The following GPR176 variants were observed in gnomAD, a reference collection of about 807,000 sequenced individuals.
GPR176 encodes G protein-coupled receptor 176, also known as G-protein coupled receptor 176.
Under a neutral mutation model 35.4 loss-of-function variants are expected in GPR176, and 26 were observed. That is an observed-to-expected ratio of 0.74 (90% CI 0.54 to 1.02). The LOEUF (loss-of-function observed/expected upper bound fraction) is 1.02, where lower values mean the gene tolerates loss of function less well. Among genes scored for constraint, GPR176 ranks in the 50% least tolerant of loss-of-function variants. The pLI is 0.00. For synonymous variants in GPR176, 278 were observed against 271.3 expected, an observed-to-expected ratio of 1.02 and a Z score of -0.24; for missense variants, 597 against 665.3, an observed-to-expected ratio of 0.90 and a Z score of 1.13.
intron 1 of GPR176, among the ~76,000 whole-genome samples, chr15:39,863,634 G>A (rs928900754): frequency 6.6e-6 from 1 of 151,914 alleles, no homozygotes; most frequent in Non-Finnish European, 1.5e-5. Context: ...TAATGTCCTG[G>A]GCCTTCACAC....
At chr15:39,832,779 T>C (rs978374100) in intron 1 of GPR176, among the ~76,000 whole-genome samples, 1 of 152,032 alleles carries the variant, frequency 6.6e-6, no homozygotes, top group Admixed American at 6.6e-5. Flanking sequence ...GGGCCACAGG[T>C]TGGGCAAACT....
chr15:39,856,775 T>A (rs1028265537), intron 1 of GPR176, among the ~76,000 whole-genome samples: 1 of 152,188 alleles, frequency 6.6e-6, no homozygotes, highest in Non-Finnish European at 1.5e-5. Context: ...GATGAATACA[T>A]TGGAGATGGG....
chr15:39,831,959 G>C (rs567550389), intron 1 of GPR176, among the ~76,000 whole-genome samples: 1 of 150,994 alleles, frequency 6.6e-6, no homozygotes, highest in African/African-American at 2.4e-5. Context: ...TCCCAGAATT[G>C]GTCCTGCTCC....
chr15:39,829,211 C>G lies in GPR176; in HGVS notation c.173-21953G>C, dbSNP rs1015977798. The G allele has an allele frequency of 4.0e-5, 60 of 1,518,294 alleles. No individual in the cohort carries two copies. The South Asian group carries it at 4.5e-4, about 11-fold the overall frequency. The allele number at this position is 1,518,294 out of a possible 1,614,324, so 94.1% of individuals were successfully genotyped here. On this transcript the variant is annotated intron_variant, in intron 1 of 2. Transcript: ENST00000561100. ...AGACAACACCTCACAACGCAACCCC[C>G]AACACTGAGAACAAAGACCAAAGAT...
At chr15:39,874,370 G>C (rs2032161978) in intron 1 of GPR176, among the ~76,000 whole-genome samples, 1 of 152,176 alleles carries the variant, frequency 6.6e-6, no homozygotes, top group African/African-American at 2.4e-5. Flanking sequence ...ATTTTCACCA[G>C]ACCAAACCTT....
At chr15:39,825,075 C>T (rs899849191) in intron 1 of GPR176, among the ~76,000 whole-genome samples, 1 of 152,128 alleles carries the variant, frequency 6.6e-6, no homozygotes, top group African/African-American at 2.4e-5. Flanking sequence ...GGCTTGGTGG[C>T]ACATGCCTAT....
At chr15:39,821,336 G>A (rs1238176697) in intron 1 of GPR176, among the ~76,000 whole-genome samples, 3 of 152,162 alleles carry the variant, frequency 2.0e-5, no homozygotes, top group African/African-American at 7.2e-5. Context: ...TTCTCAGTTT[G>A]TAAAATATTG....
Position 39,801,842 on chromosome 15 carries a change from C to T in GPR176, c.838G>A (p.Val280Met), listed in dbSNP as rs868365806. ...SMVMVFILCS[V>M]PYATLVVYQT... ...TAGACGACCAGGGTGGCATAGGGCACGCTACACAAGATGAAGACCATCACC... is the reference window on the plus strand; with the variant it reads ...TAGACGACCAGGGTGGCATAGGGCATGCTACACAAGATGAAGACCATCACC... The change falls in exon 3 of 3, where the codon GTG (valine) becomes ATG (methionine). Residue 280 changes from valine (V) to methionine (M), a missense_variant. Physicochemically the swap from Val to Met is conservative, Grantham distance 21 (BLOSUM62 1). This residue lies in a region of GPR176 where 220 missense variants were observed against 297.6 expected (regional missense o/e 0.74). Transcript: ENST00000561100. The T allele has an allele frequency of 1.6e-5, 26 of 1,613,950 alleles. No individual in the cohort carries two copies. Among genetic ancestry groups the T allele is most frequent in the Admixed American group, 1.5e-4 (9 of 60,000 alleles).
intron 1 of GPR176, among the ~76,000 whole-genome samples, chr15:39,915,968 C>A (rs908050719): frequency 1.3e-5 from 2 of 152,142 alleles, no homozygotes; most frequent in African/African-American, 4.8e-5. Flanking sequence ...TAAATAAAAG[C>A]AAATTCATTT....
intron 1 of GPR176, among the ~76,000 whole-genome samples, chr15:39,893,727 G>A (rs1441395662): frequency 7.2e-5 from 10 of 138,890 alleles, no homozygotes; most frequent in South Asian, 7.2e-4. Context: ...CTGGCCGGGC[G>A]GGGGGCTGAC....
intron 1 of GPR176, among the ~76,000 whole-genome samples, chr15:39,857,666 T>A (rs555446541): frequency 6.7e-6 from 1 of 148,920 alleles, no homozygotes; most frequent in African/African-American, 2.5e-5. Context: ...CAAGACATTG[T>A]CTCAAAAAAG....
At chr15:39,811,727 G>A (rs28401568) in intron 1 of GPR176, among the ~76,000 whole-genome samples, 4 of 151,794 alleles carry the variant, frequency 2.6e-5, no homozygotes, top group Admixed American at 6.6e-5. Flanking sequence ...CCATCCTGGC[G>A]AACATGGTGA....
intron 1 of GPR176, among the ~76,000 whole-genome samples, chr15:39,850,136 A>G (rs1166729): frequency 0.57 from 86,242 of 151,980 alleles, 25,092 homozygotes; most frequent in Admixed American, 0.63. Flanking sequence ...GTAGGTAAGC[A>G]GTGAGTGAAT....
chr15:39,822,125 G>C (rs1900314300), intron 1 of GPR176, among the ~76,000 whole-genome samples: 1 of 152,314 alleles, frequency 6.6e-6, no homozygotes, highest in East Asian at 1.9e-4. Context: ...CACCAACTTG[G>C]AAGTGGATCC....
chr15:39,853,594 A>G, intron 1 of GPR176, among the ~76,000 whole-genome samples: 1 of 152,242 alleles, frequency 6.6e-6, no homozygotes, highest in Admixed American at 6.5e-5. Flanking sequence ...CTATTAAATC[A>G]ATGAACAGAA....
chr15:39,875,817 T>C (rs2032221203), intron 1 of GPR176, among the ~76,000 whole-genome samples: 1 of 152,090 alleles, frequency 6.6e-6, no homozygotes, highest in Admixed American at 6.6e-5. Flanking sequence ...CAAAGAAGTT[T>C]CTTCCACATA....
At chr15:39,892,127 T>A (rs146437487) in intron 1 of GPR176, among the ~76,000 whole-genome samples, 22 of 152,316 alleles carry the variant, frequency 1.4e-4, no homozygotes, top group Middle Eastern at 3.4e-3. Context: ...AAAGAAAGTA[T>A]GAAGCACCCC....
At position 39,913,914 on chromosome 15, in the gene GPR176, T is replaced by C. The variant is rs529528819; in HGVS notation, c.172+5941A>G. On this transcript the variant is annotated intron_variant, in intron 1 of 2. Coordinates refer to ENST00000561100, the MANE Select transcript of GPR176 (RefSeq NM_007223.3). Reference sequence around the variant, plus strand: ...ACAAAACATTAGCCGGGCATGGTGGTGGGTGCCTGTAGTCCCAGCTGCTCG... The same window carrying C: ...ACAAAACATTAGCCGGGCATGGTGGCGGGTGCCTGTAGTCCCAGCTGCTCG... Among the ~76,000 whole-genome samples, 1,038 of 152,156 alleles carry C rather than the reference T, an allele frequency of 6.8e-3. 11 individuals carry two copies. The highest frequency in any genetic ancestry group is 9.0e-3 in the Non-Finnish European group (614 of 67,976).
Position 39,802,390 on chromosome 15 carries a change from A to G in GPR176, c.426-136T>C, listed in dbSNP as rs74008884. ...GCCTAAGACAGAAAAGCACTGGGGGAATCCAGGAAGCCAGACCTAAGTTTT... is the reference window on the plus strand; with the variant it reads ...GCCTAAGACAGAAAAGCACTGGGGGGATCCAGGAAGCCAGACCTAAGTTTT... On this transcript the variant is annotated intron_variant, in intron 2 of 2. Coordinates refer to ENST00000561100, the MANE Select transcript of GPR176 (RefSeq NM_007223.3). 2.5e-3 allele frequency: 1,710 copies of G among 684,516 alleles called. 7 individuals are homozygous for G. Among genetic ancestry groups the G allele is most frequent in the Middle Eastern group, 0.011 (27 of 2,404 alleles). The allele number at this position is 684,516 out of a possible 1,614,324, so 42.4% of individuals were successfully genotyped here.
Sources: gnomAD v4.1 joint callset for allele counts (sites outside exome capture counted in the v4.1 genomes callset) on GRCh38, gnomAD v4.1.1 for gene constraint, gnomAD v4.1.1 regional missense constraint, MANE v1.5 for transcripts, NCBI Gene and HGNC (gene_info 2026-07-23, HGNC 2026-07-21) for gene names.